The following GPC5 variants were observed in gnomAD, a reference collection of about 807,000 sequenced individuals.
The protein encoded by GPC5 is glypican 5.
Under a neutral mutation model 53.9 loss-of-function variants are expected in GPC5, and 47 were observed. The observed-to-expected ratio is 0.87, with a 90% confidence interval of 0.69 to 1.11. The LOEUF (loss-of-function observed/expected upper bound fraction) is 1.11. Ranked by LOEUF, GPC5 falls within the 50% of genes most tolerant of loss-of-function variation. The probability of loss-of-function intolerance (pLI) is 0.00; values close to 1 mark genes in which losing one functional copy is unlikely to be tolerated. For missense variants in GPC5, 748 were observed against 713.1 expected (o/e 1.05, Z -0.56); for synonymous variants, 286 against 263.3 (o/e 1.09, Z -0.84).
chr13:91,972,962 G>T (rs971817515), intron 6 of GPC5, among the ~76,000 whole-genome samples: 57 of 152,162 alleles, frequency 3.7e-4, no homozygotes, highest in Non-Finnish European at 6.8e-4. Flanking sequence ...TGCTCTTCTC[G>T]AGGAGTATCT....
chr13:91,415,078 G>A (rs1430060598), intron 1 of GPC5, among the ~76,000 whole-genome samples: 1 of 152,102 alleles, frequency 6.6e-6, no homozygotes, highest in Non-Finnish European at 1.5e-5. Flanking sequence ...CCTGTTGCTG[G>A]AGATAACCCA....
At chr13:92,357,107 C>T (rs1040544748) in intron 7 of GPC5, among the ~76,000 whole-genome samples, 1 of 151,086 alleles carries the variant, frequency 6.6e-6, no homozygotes, top group Admixed American at 6.6e-5. Flanking sequence ...TTTCTTTATC[C>T]AATGTATCAT....
At chr13:92,103,729 T>C (rs1306079175) in intron 6 of GPC5, among the ~76,000 whole-genome samples, 1 of 152,222 alleles carries the variant, frequency 6.6e-6, no homozygotes, top group East Asian at 1.9e-4. Flanking sequence ...TTTCTGAGTG[T>C]GTGTTGGGTC....
chr13:92,603,153 A>G (rs1410040325), intron 7 of GPC5, among the ~76,000 whole-genome samples: 7 of 152,218 alleles, frequency 4.6e-5, no homozygotes. Context: ...ACATAATGGT[A>G]TAGTATGGAT....
At chr13:92,150,557 C>T (rs2041899716) in intron 7 of GPC5, among the ~76,000 whole-genome samples, 1 of 151,832 alleles carries the variant, frequency 6.6e-6, no homozygotes, top group Non-Finnish European at 1.5e-5. Flanking sequence ...ATGTAGATAC[C>T]TAATGAATCA....
chr13:92,159,418 C>G (rs1347216258), intron 7 of GPC5, among the ~76,000 whole-genome samples: 1 of 152,008 alleles, frequency 6.6e-6, no homozygotes, highest in Non-Finnish European at 1.5e-5. Flanking sequence ...CTAGTCTGAG[C>G]GCCAGCAATT....
intron 7 of GPC5, among the ~76,000 whole-genome samples, chr13:92,408,243 C>A (rs574884853): frequency 6.6e-6 from 1 of 152,330 alleles, no homozygotes; most frequent in Non-Finnish European, 1.5e-5. Context: ...CATCATCCCC[C>A]AGATGTCCAA....
chr13:91,991,378 T>G (rs1024212227), intron 6 of GPC5, among the ~76,000 whole-genome samples: 2 of 152,236 alleles, frequency 1.3e-5, no homozygotes, highest in Non-Finnish European at 2.9e-5. Context: ...TATTTCATAA[T>G]GCTCAGTAAA....
At position 91,744,693 on chromosome 13, in the gene GPC5, A is replaced by T. The variant is rs556699498; in HGVS notation, c.1155-11602A>T. Among the ~76,000 whole-genome samples the T allele has an allele frequency of 1.4e-4, 21 of 152,280 alleles. 1 individual carries two copies. In the South Asian group the frequency reaches 4.3e-3, roughly 32 times the overall value. ...TTTTATTAAAGTTCTGCTAATGCTGAGAGAGGTTAATAATATCTAGATTAT... is the reference window on the plus strand; with the variant it reads ...TTTTATTAAAGTTCTGCTAATGCTGTGAGAGGTTAATAATATCTAGATTAT... On this transcript the variant is annotated intron_variant, in intron 4 of 7. Coordinates refer to ENST00000377067, the MANE Select transcript of GPC5 (RefSeq NM_004466.6).
chr13:91,572,022 C>T (rs1164901817), intron 2 of GPC5, among the ~76,000 whole-genome samples: 18 of 123,804 alleles, frequency 1.5e-4, no homozygotes, highest in South Asian at 8.1e-4. Flanking sequence ...TATGCATATA[C>T]GTGTGTATAT....
chr13:91,633,458 G>A (rs974719719), intron 2 of GPC5, among the ~76,000 whole-genome samples: 1 of 152,102 alleles, frequency 6.6e-6, no homozygotes, highest in Non-Finnish European at 1.5e-5. Context: ...TGAGTGTGGA[G>A]CCACTGTCAT....
intron 7 of GPC5, among the ~76,000 whole-genome samples, chr13:92,608,347 A>G (rs1594342985): frequency 6.6e-6 from 1 of 152,164 alleles, no homozygotes; most frequent in African/African-American, 2.4e-5. Flanking sequence ...TTAGCCATGT[A>G]TTTGACCAAC....
intron 7 of GPC5, among the ~76,000 whole-genome samples, chr13:92,409,198 A>T (rs927420322): frequency 3.3e-5 from 5 of 152,060 alleles, no homozygotes; most frequent in Admixed American, 3.3e-4. Flanking sequence ...GATAGGGAAG[A>T]TCTTTCTAGG....
At chr13:92,617,068 A>G (rs1161876827) in intron 7 of GPC5, among the ~76,000 whole-genome samples, 1 of 152,234 alleles carries the variant, frequency 6.6e-6, no homozygotes, top group Non-Finnish European at 1.5e-5. Context: ...TGAAAATAGA[A>G]AAAGAACACA....
At chr13:91,834,959 A>AACCT (rs1238080886) in intron 5 of GPC5, among the ~76,000 whole-genome samples, 1 of 150,716 alleles carries the variant, frequency 6.6e-6, no homozygotes, top group Non-Finnish European at 1.5e-5. Context: ...GTGAACAGGC[A>AACCT]ACCTACAGAA....
At chr13:91,844,602 A>C (rs917010828) in intron 5 of GPC5, among the ~76,000 whole-genome samples, 1 of 152,246 alleles carries the variant, frequency 6.6e-6, no homozygotes, top group African/African-American at 2.4e-5. Flanking sequence ...AGTTCTCTGC[A>C]TTCAAGGGTA....
intron 7 of GPC5, among the ~76,000 whole-genome samples, chr13:92,512,138 C>G (rs1307521221): frequency 6.6e-6 from 1 of 152,156 alleles, no homozygotes; most frequent in Non-Finnish European, 1.5e-5. Context: ...GCCAGTCCAA[C>G]CCATTTATCT....
intron 2 of GPC5, among the ~76,000 whole-genome samples, chr13:91,660,924 A>T (rs1275142386): frequency 6.6e-6 from 1 of 152,194 alleles, no homozygotes; most frequent in South Asian, 2.1e-4. Flanking sequence ...TTTAGTATCT[A>T]CTATGTACAA....
chr13:92,493,359 C>CT (rs1288921486), intron 7 of GPC5, among the ~76,000 whole-genome samples: 3 of 152,084 alleles, frequency 2.0e-5, no homozygotes, highest in Non-Finnish European at 4.4e-5. Flanking sequence ...GGAGGGAACA[C>CT]TTTTTTAAAA....
Sources: allele counts gnomAD v4.1 joint callset (sites outside exome capture counted in the v4.1 genomes callset), GRCh38; gene constraint gnomAD v4.1.1; transcripts MANE v1.5; gene names NCBI Gene and HGNC (gene_info 2026-07-23, HGNC 2026-07-21).